The following ZNF777 variants were observed in gnomAD, a reference collection of about 807,000 sequenced individuals.
The protein encoded by ZNF777 is zinc finger protein 777.
ZNF777 carries 7 observed loss-of-function variants against 72.1 expected under a neutral mutation model. The observed-to-expected ratio is 0.10, with a 90% CI of 0.06 to 0.18. ZNF777 has a LOEUF of 0.18. ZNF777 is among the 10% of genes least tolerant of loss of function. The pLI is 1.00. For missense variants in ZNF777, 828 were observed against 1,128.6 expected (o/e 0.73, Z 3.82); for synonymous variants, 545 against 483.5 (o/e 1.13, Z -1.67).
At chr7:149,448,485 CTATATATATATA>C (rs61005836) in intron 4 of ZNF777, among the ~76,000 whole-genome samples, 1 of 104,642 alleles carries the variant, frequency 9.6e-6, no homozygotes, top group East Asian at 2.2e-4. Flanking sequence ...CAAAACAAAA[CTATATATATATA>C]TATATATATA....
chr7:149,456,365 CCT>C (rs1006612123), intron 1 of ZNF777, among the ~76,000 whole-genome samples: 2 of 152,068 alleles, frequency 1.3e-5, no homozygotes, highest in Non-Finnish European at 2.9e-5. Context: ...AGCTTTTGGC[CCT>C]GTCTACACCT....
At position 149,460,503 on chromosome 7, in the gene ZNF777, C is replaced by T. The variant is rs1009189077; in HGVS notation, c.-16+312G>A. ...GCCGCGGCTGGGACCCCAGCTCCGG[C>T]CCCGGCCCCGGCTGCGAGCTGCGCT... On this transcript the variant is annotated intron_variant, in intron 1 of 5. Coordinates refer to ENST00000247930, the MANE Select transcript of ZNF777 (RefSeq NM_015694.3). The surrounding 1 kb of genome is among the most constrained non-coding windows in gnomAD (Gnocchi z 6.1). Among the ~76,000 whole-genome samples the T allele has an allele frequency of 6.9e-4, 104 of 150,570 alleles. No homozygotes were observed. The highest frequency in any genetic ancestry group is 2.3e-3 in the African/African-American group (97 of 41,356).
At chr7:149,437,025 G>A (rs1290737709) in intron 4 of ZNF777, among the ~76,000 whole-genome samples, 199 bp from the exon 5 acceptor site, 1 of 152,138 alleles carries the variant, frequency 6.6e-6, no homozygotes, top group African/African-American at 2.4e-5. Context: ...AATACAAACT[G>A]TAGTCAAGTT....
intron 2 of ZNF777, 115 bp from the exon 3 acceptor site, chr7:149,454,352 G>T: frequency 7.3e-7 from 1 of 1,374,150 alleles, no homozygotes; most frequent in Non-Finnish European, 9.9e-7. Flanking sequence ...GACTTTTCTA[G>T]AAGTCTGGCC....
At chr7:149,456,745 AGACTCTTACTCTTTGATAACAGTTGCATT>A (rs1799840331) in intron 1 of ZNF777, among the ~76,000 whole-genome samples, 1 of 152,220 alleles carries the variant, frequency 6.6e-6, no homozygotes, top group Admixed American at 6.5e-5. Flanking sequence ...GAAGTTTCCC[AGACTCTTACTCTTTGATAACAGTTGCATT>A]GCAGACTCAT....
rs1456028932 is a variant in ZNF777, at chr7:149,460,320, G to A, written c.-16+495C>T. ...CGGCCGTCGGGCCCCGGCCTGCTCG[G>A]GGCGCGCGGGGCGAGCGGGCGCGGG... On this transcript the variant is annotated intron_variant, in intron 1 of 5. Transcript: ENST00000247930. The surrounding 1 kb of genome is among the most constrained non-coding windows in gnomAD (Gnocchi z 6.1). Among the ~76,000 whole-genome samples, 1 of 145,828 alleles carries A rather than the reference G, an allele frequency of 6.9e-6. No homozygotes were observed. The highest frequency in any genetic ancestry group is 1.5e-5 in the Non-Finnish European group (1 of 65,692).
At chr7:149,441,744 A>G (rs543253348) in intron 4 of ZNF777, among the ~76,000 whole-genome samples, 3 of 152,206 alleles carry the variant, frequency 2.0e-5, no homozygotes, top group Admixed American at 1.3e-4. Flanking sequence ...AAAGTGATAT[A>G]ATGCTATATT....
At chr7:149,433,460 C>T (rs1168236022) in intron 5 of ZNF777, among the ~76,000 whole-genome samples, 1 of 152,222 alleles carries the variant, frequency 6.6e-6, no homozygotes, top group Non-Finnish European at 1.5e-5. Flanking sequence ...TCAGTCTTTG[C>T]CCCTCTGAGG....
chr7:149,447,271 C>T (rs1486145385), intron 4 of ZNF777, among the ~76,000 whole-genome samples: 2 of 152,238 alleles, frequency 1.3e-5, no homozygotes, highest in Non-Finnish European at 2.9e-5. Flanking sequence ...TCTAACTCTG[C>T]TGCCGACACC....
chr7:149,456,133 C>T lies in ZNF777; in HGVS notation c.-15-96G>A, dbSNP rs1563241168. On this transcript the variant is annotated intron_variant, in intron 1 of 5. Coordinates refer to ENST00000247930, the MANE Select transcript of ZNF777 (RefSeq NM_015694.3). ...ACAAGTATACACATAAAAAGTGCTTCCGTTTGGTAGCAATAATATGTGCCC... is the reference window on the plus strand; with the variant it reads ...ACAAGTATACACATAAAAAGTGCTTTCGTTTGGTAGCAATAATATGTGCCC... 4 of 1,361,874 alleles carry T rather than the reference C, an allele frequency of 2.9e-6. No homozygotes were observed. The Admixed American group carries it at 1.0e-4, about 35-fold the overall frequency. The allele number at this position is 1,361,874 out of a possible 1,614,324, so 84.4% of individuals were successfully genotyped here.
At chr7:149,437,801 T>TTC (rs138404741) in intron 4 of ZNF777, among the ~76,000 whole-genome samples, 10,626 of 133,504 alleles carry the variant, frequency 0.08, 461 homozygotes, top group East Asian at 0.18. Flanking sequence ...GTTTGTTTCT[T>TTC]TTTCTTTTTT....
intron 4 of ZNF777, among the ~76,000 whole-genome samples, chr7:149,446,307 C>A (rs1038433939): frequency 1.3e-5 from 2 of 151,806 alleles, no homozygotes; most frequent in African/African-American, 4.8e-5. Flanking sequence ...ATCCTGGAGG[C>A]GGAGGTTGCA....
rs372114517 is a variant in ZNF777 at position 149,455,492 on chromosome 7, C to T, written c.531G>A (p.Pro177=). 20 of 1,613,830 alleles carry T rather than the reference C, an allele frequency of 1.2e-5. No individual in the cohort carries two copies. The highest frequency in any genetic ancestry group is 2.2e-5 in the East Asian group (1 of 44,888). ...QISSAVQKEQ[P]LPTAEITRLA... ...AGCGGGTGATCTCTGCCGTGGGGAG[C>T]GGCTGTTCCTTCTGGACTGCAGAAG... Residue 177 remains proline, a synonymous_variant, in exon 2 of 6, where the codon CCG becomes CCA. Coordinates refer to ENST00000247930, the MANE Select transcript of ZNF777 (RefSeq NM_015694.3). This position sits in a 1 kb window ranked among gnomAD's most constrained non-coding sequence, Gnocchi z 4.2.
Position 149,451,055 on chromosome 7 carries a change from G to A in ZNF777, c.1031C>T (p.Thr344Ile), listed in dbSNP as rs749787033. Reference protein sequence around the residue: ...MSQMERGERPTMQEQEDSEEG... With the variant: ...MSQMERGERPIMQEQEDSEEG... Reference sequence around the variant, plus strand: ...CTCAGAGTCTTCCTGCTCCTGCATGGTGGGCCGCTCCCCGCGCTCCATCTG... The same window carrying A: ...CTCAGAGTCTTCCTGCTCCTGCATGATGGGCCGCTCCCCGCGCTCCATCTG... Residue 344 changes from threonine (T) to isoleucine (I), a missense_variant, in exon 4 of 6, where the codon ACC becomes ATC. Physicochemically the swap from Thr to Ile is moderately conservative, Grantham distance 89. Transcript: ENST00000247930. 1.2e-6 allele frequency: 2 copies of A among 1,614,004 alleles called. No individual in the cohort carries two copies. Among genetic ancestry groups the A allele is most frequent in the South Asian group, 1.1e-5 (1 of 91,082 alleles).
At chr7:149,458,502 GAAAC>G (rs1343136918) in intron 1 of ZNF777, among the ~76,000 whole-genome samples, 1 of 149,242 alleles carries the variant, frequency 6.7e-6, no homozygotes, top group Non-Finnish European at 1.5e-5. Context: ...CTGAAACAAT[GAAAC>G]AAAACAAAAC....
rs920399799 is a variant in ZNF777 at position 149,436,007 on chromosome 7, G to C, written c.1339+568C>G. The stretch of plus-strand genomic sequence containing the variant: ...GGCTCAGCATCAGAAAATCCATCAC[G>C]AAAGATGTCCTGGGATCAGGCCACC... On this transcript the variant is annotated intron_variant, in intron 5 of 5. Coordinates refer to ENST00000247930, the MANE Select transcript of ZNF777 (RefSeq NM_015694.3). The surrounding 1 kb of genome is among the most constrained non-coding windows in gnomAD (Gnocchi z 5.0). Among the ~76,000 whole-genome samples the C allele has an allele frequency of 6.6e-6, 1 of 152,182 alleles. No individual in the cohort carries two copies. Among genetic ancestry groups the C allele is most frequent in the African/African-American group, 2.4e-5 (1 of 41,426 alleles).
At chr7:149,459,261 C>T (rs1490809227) in intron 1 of ZNF777, among the ~76,000 whole-genome samples, 2 of 152,208 alleles carry the variant, frequency 1.3e-5, no homozygotes, top group Non-Finnish European at 2.9e-5. Context: ...CTCACTAGCA[C>T]GGCCAGGGCG....
In ZNF777 at chr7:149,432,572, T is replaced by C. The variant is rs372374079; in HGVS notation, c.1700A>G (p.Asn567Ser). ...CTCGTAGGGCCCCTCCTTGATGTGG[T>C]TGCGCTGGTGGATGATGAGGTTGAT... Reference protein sequence around the residue: ...LKINLIIHQRNHIKEGPYECA... With the variant: ...LKINLIIHQRSHIKEGPYECA... Residue 567 changes from asparagine to serine, a missense_variant, in exon 6 of 6, where the codon AAC (asparagine) becomes AGC (serine). Physicochemically the swap from Asn to Ser is conservative, Grantham distance 46. Around this residue, in one of 12 missense-constraint regions of ZNF777, gnomAD observed 22 missense variants for 48.3 expected, o/e 0.46. Coordinates refer to ENST00000247930, the MANE Select transcript of ZNF777 (RefSeq NM_015694.3). The C allele has an allele frequency of 1.3e-5, 21 of 1,613,086 alleles. No individual in the cohort carries two copies. Among genetic ancestry groups the C allele is most frequent in the African/African-American group, 4.0e-5 (3 of 74,738 alleles).
rs145920640 is a variant in ZNF777 at position 149,435,389 on chromosome 7, A to G, written c.1339+1186T>C. Among the ~76,000 whole-genome samples the G allele has an allele frequency of 7.3e-4, 111 of 152,164 alleles. 1 individual carries two copies. The East Asian group carries it at 0.017, about 23-fold the overall frequency. On this transcript the variant is annotated intron_variant, in intron 5 of 5. Transcript: ENST00000247930. ...TCTTCCTATGTTGCCTGGGCTGGCC[A>G]TGAACTCCTGGGCTCAAGCAATCCT...
Sources: allele counts gnomAD v4.1 joint callset (sites outside exome capture counted in the v4.1 genomes callset), GRCh38; gene constraint gnomAD v4.1.1; regional missense constraint gnomAD v4.1.1; non-coding constraint Gnocchi (gnomAD v3.1); transcripts MANE v1.5; gene names NCBI Gene and HGNC (gene_info 2026-07-23, HGNC 2026-07-21).